Variants in SIPA1L2 observed in about 807,000 individuals in gnomAD.
SIPA1L2 encodes signal-induced proliferation-associated 1-like protein 2.
SIPA1L2 carries 56 observed loss-of-function variants against 163.9 expected under a neutral mutation model. The ratio of observed to expected loss-of-function variants is 0.34; its 90% CI spans 0.28 to 0.43. The LOEUF is 0.43. Ranked by LOEUF, SIPA1L2 falls within the 20% of genes least tolerant of loss-of-function variation. The probability of loss-of-function intolerance (pLI) is 1.00; values close to 1 mark genes in which losing one functional copy is unlikely to be tolerated. For synonymous variants in SIPA1L2, 877 were observed against 865.7 expected (o/e 1.01, Z -0.23); for missense variants, 1,974 against 2,193.5 (o/e 0.90, Z 2.00).
At chr1:232,512,218 C>T (rs151280016) in intron 3 of SIPA1L2, among the ~76,000 whole-genome samples, 2,717 of 152,258 alleles carry the variant, frequency 0.018, 78 homozygotes, top group African/African-American at 0.061. Flanking sequence ...AGTCAGGAAA[C>T]AACAGATGCT....
intron 3 of SIPA1L2, among the ~76,000 whole-genome samples, chr1:232,495,338 C>T (rs374752019): frequency 2.3e-4 from 35 of 151,920 alleles, no homozygotes; most frequent in African/African-American, 8.0e-4. Context: ...CCGAGGCGGG[C>T]GGATCACGAG....
intron 1 of SIPA1L2, among the ~76,000 whole-genome samples, chr1:232,625,271 T>C (rs1260588370): frequency 6.6e-6 from 1 of 152,226 alleles, no homozygotes; most frequent in African/African-American, 2.4e-5. Flanking sequence ...CTTCGTGTTG[T>C]TCAGCCAGTT....
At chr1:232,525,586 C>T (rs1294155593) in intron 2 of SIPA1L2, among the ~76,000 whole-genome samples, 1 of 152,058 alleles carries the variant, frequency 6.6e-6, no homozygotes, top group African/African-American at 2.4e-5. Context: ...TATATTTTCA[C>T]AGGCCTTACA....
chr1:232,446,161 C>T (rs1280671783), intron 10 of SIPA1L2, among the ~76,000 whole-genome samples: 1 of 152,136 alleles, frequency 6.6e-6, no homozygotes, highest in African/African-American at 2.4e-5. Flanking sequence ...CAATACACAG[C>T]TAAAAAAAAT....
At chr1:232,449,610 A>G (rs1022011276) in intron 10 of SIPA1L2, among the ~76,000 whole-genome samples, 5 of 71,732 alleles carry the variant, frequency 7.0e-5, no homozygotes, top group East Asian at 1.0e-3. Flanking sequence ...AGAAGAGGGA[A>G]AAAAAAAGGG....
chr1:232,583,819 C>T (rs2102810545), intron 1 of SIPA1L2, among the ~76,000 whole-genome samples: 1 of 152,220 alleles, frequency 6.6e-6, no homozygotes, highest in East Asian at 1.9e-4. Context: ...CTGTTTCTGA[C>T]ACTGAAAGAT....
chr1:232,609,829 C>CAAAAAA (rs71173228), intron 1 of SIPA1L2, among the ~76,000 whole-genome samples: 4 of 102,320 alleles, frequency 3.9e-5, no homozygotes, highest in Non-Finnish European at 8.1e-5. Context: ...GACTCCATCT[C>CAAAAAA]AAAAAAAAAA....
chr1:232,519,157 A>T lies in SIPA1L2; in HGVS notation c.-269-3549T>A, dbSNP rs752726128. Among the ~76,000 whole-genome samples the T allele has an allele frequency of 2.6e-5, 4 of 152,206 alleles. No homozygotes were observed. The East Asian group carries it at 7.7e-4, about 29-fold the overall frequency. On this transcript the variant is annotated intron_variant, in intron 2 of 22. Transcript: ENST00000674635. Reference sequence around the variant, plus strand: ...TCTGAAAAGACAGCTTCCCACCCCCACTTCCATACCAGCCAAATGAGGTGA... The same window carrying T: ...TCTGAAAAGACAGCTTCCCACCCCCTCTTCCATACCAGCCAAATGAGGTGA...
intron 3 of SIPA1L2, 115 bp from the exon 4 acceptor site, chr1:232,493,775 C>G: frequency 7.7e-7 from 1 of 1,297,674 alleles, no homozygotes; most frequent in Non-Finnish European, 1.1e-6. Flanking sequence ...AGCTCATACA[C>G]AGTGATTTCC....
rs1180016002 is a variant in SIPA1L2, at chr1:232,481,416, G to C, written c.1982-1686C>G. Among the ~76,000 whole-genome samples, 4 of 152,232 alleles carry C rather than the reference G, an allele frequency of 2.6e-5. No homozygotes were observed. In the East Asian group the frequency reaches 7.7e-4, roughly 29 times the overall value. On this transcript the variant is annotated intron_variant, in intron 6 of 22. Coordinates refer to ENST00000674635, the MANE Select transcript of SIPA1L2 (RefSeq NM_020808.5). ...AAATTCGGAAAGAGAAATGCTGACT[G>C]ATATTAGGTTTCAGATTTAGGAAAT...
intron 2 of SIPA1L2, among the ~76,000 whole-genome samples, chr1:232,517,281 G>A (rs780513387): frequency 2.0e-5 from 3 of 151,896 alleles, no homozygotes; most frequent in Non-Finnish European, 4.4e-5. Context: ...TTTCTTTTCC[G>A]TGTCATGGCA....
intron 8 of SIPA1L2, among the ~76,000 whole-genome samples, chr1:232,468,862 G>C (rs956642609): frequency 1.3e-5 from 2 of 152,160 alleles, no homozygotes; most frequent in Non-Finnish European, 2.9e-5. Context: ...AAATTAAAGA[G>C]TCTTTTATAA....
chr1:232,443,589 A>G lies in SIPA1L2; in HGVS notation c.3437+13T>C. On this transcript the variant is annotated intron_variant, in intron 12 of 22. Transcript: ENST00000674635. The stretch of plus-strand genomic sequence containing the variant: ...TCCTCCCAGTGGATAACTAAGATAA[A>G]AATGAACAGTACCCGTCGTAGCCCA... 6.4e-7 allele frequency: 1 copy of G among 1,560,568 alleles called. No individual in the cohort carries two copies. The highest frequency in any genetic ancestry group is 8.7e-7 in the Non-Finnish European group (1 of 1,151,414).
chr1:232,526,933 G>C (rs1428589877), intron 2 of SIPA1L2, among the ~76,000 whole-genome samples: 1 of 152,142 alleles, frequency 6.6e-6, no homozygotes, highest in African/African-American at 2.4e-5. Flanking sequence ...TTCTGAGGGG[G>C]CCTCCCCAAA....
chr1:232,402,690 A>G (rs1660416933), intron 21 of SIPA1L2: 1 of 380,196 alleles, frequency 2.6e-6, no homozygotes, highest in South Asian at 3.8e-5. Flanking sequence ...AACTCTATAG[A>G]TATACGAGTT....
chr1:232,539,219 T>C (rs1271400768), intron 2 of SIPA1L2, among the ~76,000 whole-genome samples: 1 of 152,202 alleles, frequency 6.6e-6, no homozygotes, highest in Non-Finnish European at 1.5e-5. Context: ...GTTGAAACCC[T>C]TGGGGTAGGG....
intron 3 of SIPA1L2, among the ~76,000 whole-genome samples, chr1:232,501,050 A>ATTTTTTTTTTTTTTTTTTTTTTTT (rs60008360): frequency 1.3e-5 from 1 of 78,450 alleles, no homozygotes; most frequent in Non-Finnish European, 2.3e-5. Context: ...GCAATGAAGT[A>ATTTTTTTTTTTTTTTTTTTTTTTT]TTTTTTTTTT....
At chr1:232,443,338 G>A (rs1558181872) in intron 12 of SIPA1L2, among the ~76,000 whole-genome samples, 1 of 152,148 alleles carries the variant, frequency 6.6e-6, no homozygotes, top group Non-Finnish European at 1.5e-5. Context: ...AGGCAACTAA[G>A]CCCTCACATC....
intron 16 of SIPA1L2, among the ~76,000 whole-genome samples, chr1:232,431,241 C>T (rs1455158937): frequency 2.0e-5 from 3 of 152,184 alleles, no homozygotes; most frequent in Non-Finnish European, 4.4e-5. Flanking sequence ...ATCATTCTAC[C>T]ATTTTCATTT....
Sources: gnomAD v4.1 joint callset for allele counts (sites outside exome capture counted in the v4.1 genomes callset) on GRCh38, gnomAD v4.1.1 for gene constraint, MANE v1.5 for transcripts, NCBI Gene and HGNC (gene_info 2026-07-23, HGNC 2026-07-21) for gene names.